The following TMEM87A variants were observed in gnomAD, a reference collection of about 807,000 sequenced individuals.
TMEM87A encodes transmembrane protein 87A, also known as Golgi-pH regulating cation channel.
In TMEM87A, 50 loss-of-function variants were observed where a neutral mutation model predicts 90.0. The ratio of observed to expected loss-of-function variants is 0.56; its 90% CI spans 0.44 to 0.70. TMEM87A has a LOEUF of 0.70. TMEM87A is among the 30% of genes least tolerant of loss of function. The pLI, the probability that TMEM87A is intolerant of heterozygous loss-of-function variation, is 0.00. For missense variants in TMEM87A, 577 were observed against 660.5 expected, an observed-to-expected ratio of 0.87 and a Z score of 1.39; for synonymous variants, 226 against 226.7, an observed-to-expected ratio of 1.00 and a Z score of 0.03.
At chr15:42,272,560 C>T (rs1229540192) in intron 1 of TMEM87A, 2 of 199,502 alleles carry the variant, frequency 1.0e-5, no homozygotes, top group Non-Finnish European at 2.1e-5. Flanking sequence ...CTCCCTGCAT[C>T]TGGTTTTTGT....
chr15:42,266,611 T>C (rs758722007), intron 3 of TMEM87A, among the ~76,000 whole-genome samples: 12 of 152,158 alleles, frequency 7.9e-5, no homozygotes, highest in Admixed American at 2.6e-4. Context: ...TTGCCCCTTA[T>C]CAGGAACTAA....
chr15:42,220,784 A>ATTTT (rs982664626), intron 15 of TMEM87A, among the ~76,000 whole-genome samples: 32 of 151,936 alleles, frequency 2.1e-4, no homozygotes, highest in East Asian at 1.9e-3. Flanking sequence ...TATTTGTTTT[A>ATTTT]TTATTTATTT....
intron 6 of TMEM87A, among the ~76,000 whole-genome samples, chr15:42,252,728 C>A (rs1383418190): frequency 3.3e-5 from 5 of 151,980 alleles, no homozygotes; most frequent in African/African-American, 1.2e-4. Flanking sequence ...TTATTTTTAG[C>A]TCTTTGAGTA....
chr15:42,243,620 A>C (rs1034957713), intron 7 of TMEM87A, among the ~76,000 whole-genome samples: 1 of 151,060 alleles, frequency 6.6e-6, no homozygotes, highest in Non-Finnish European at 1.5e-5. Context: ...CCCGGGTTCA[A>C]GCGATTCTCC....
At chr15:42,233,437 T>A in intron 10 of TMEM87A, 131 bp from the exon 11 acceptor site, 2 of 636,556 alleles carry the variant, frequency 3.1e-6, no homozygotes, top group Admixed American at 3.0e-5. Flanking sequence ...TTGATTCACC[T>A]AAGAGAAAAA....
chr15:42,220,026 T>C (rs1331445072), intron 16 of TMEM87A, 36 bp downstream of exon 16: 3 of 1,509,816 alleles, frequency 2.0e-6, no homozygotes, highest in African/African-American at 2.8e-5. Context: ...AAAAATAATA[T>C]TTAAAGTACT....
At chr15:42,219,940 T>C (rs2050444821) in intron 16 of TMEM87A, 122 bp downstream of exon 16, 4 of 921,922 alleles carry the variant, frequency 4.3e-6, no homozygotes, top group African/African-American at 3.4e-5. Context: ...ACACCCTTAT[T>C]TTCTTAACCC....
intron 6 of TMEM87A, among the ~76,000 whole-genome samples, chr15:42,249,810 T>C (rs1227307620): frequency 6.6e-6 from 1 of 152,216 alleles, no homozygotes; most frequent in Non-Finnish European, 1.5e-5. Context: ...AGAACTGAGT[T>C]CAAGTCCTGG....
chr15:42,226,327 T>G (rs1340234715), intron 15 of TMEM87A, among the ~76,000 whole-genome samples: 3 of 150,492 alleles, frequency 2.0e-5, no homozygotes, highest in Admixed American at 6.6e-5. Flanking sequence ...TTTTTTTTTT[T>G]GGCAATAAAG....
rs2050438353 is a variant in TMEM87A, at chr15:42,219,626, T to A, written c.1494A>T (p.Arg498Ser). Residue 498 changes from arginine to serine, a missense_variant, in exon 17 of 20, where the codon AGA becomes AGT. Arg to Ser is a moderately radical substitution (Grantham distance 110). Coordinates refer to ENST00000389834, the MANE Select transcript of TMEM87A (RefSeq NM_015497.5). The part of the protein sequence containing the change: ...LKESFEGMKM[R>S]STKQEPNGNS... ...TTCCATTGGGTTCTTGTTTGGTACTTCTCATTTTCATTCCTTCTGTAGAAG... is the reference window on the plus strand; with the variant it reads ...TTCCATTGGGTTCTTGTTTGGTACTACTCATTTTCATTCCTTCTGTAGAAG... 2 of 1,599,018 alleles carry A rather than the reference T, an allele frequency of 1.3e-6. No homozygotes were observed. Among genetic ancestry groups the A allele is most frequent in the Non-Finnish European group, 1.7e-6 (2 of 1,171,486 alleles).
chr15:42,257,992 C>G, intron 6 of TMEM87A: 7 of 974,788 alleles, frequency 7.2e-6, no homozygotes, highest in Non-Finnish European at 8.5e-6. Flanking sequence ...AAAAACTTAT[C>G]CCAATATACA....
chr15:42,233,298 A>G lies in TMEM87A; in HGVS notation c.977T>C (p.Leu326Pro). 6.2e-7 allele frequency: 1 copy of G among 1,613,792 alleles called. No individual in the cohort carries two copies. Among genetic ancestry groups the G allele is most frequent in the Non-Finnish European group, 8.5e-7 (1 of 1,179,850 alleles). ...TACAACCTTATGAAGAGTGACTCCA[A>G]GGCGTGGCCTAAAGAGGAAGCAAGG... ...SLGYGIVKPR[L>P]GVTLHKVVVA... The change falls in exon 11 of 20, where the codon CTT becomes CCT. Residue 326 changes from leucine to proline, a missense_variant. Physicochemically the swap from Leu to Pro is moderately conservative, Grantham distance 98. Coordinates refer to ENST00000389834, the MANE Select transcript of TMEM87A (RefSeq NM_015497.5).
chr15:42,211,658 T>C lies in TMEM87A; in HGVS notation c.*50A>G, dbSNP rs1223673455. The C allele has an allele frequency of 1.9e-6, 3 of 1,566,224 alleles. No homozygotes were observed. Among genetic ancestry groups the C allele is most frequent in the African/African-American group, 2.7e-5 (2 of 73,666 alleles). On this transcript the variant is annotated 3_prime_UTR_variant, in exon 20 of 20. Transcript: ENST00000389834. ...CCGTACAGAAGACTGACACAGATGC[T>C]GATCTCTTCCCTGATGGTAGCCATC...
chr15:42,227,549 G>A (rs1461297651), intron 14 of TMEM87A, 162 bp downstream of exon 14: 5 of 601,366 alleles, frequency 8.3e-6, no homozygotes, highest in African/African-American at 7.4e-5. Context: ...CACCATGATA[G>A]TACAGAATAC....
At chr15:42,244,294 T>C in intron 6 of TMEM87A, 127 bp from the exon 7 acceptor site, 1 of 617,330 alleles carries the variant, frequency 1.6e-6, no homozygotes, top group South Asian at 2.3e-5. Context: ...CTTTCATTCA[T>C]TGAAACATTA....
At chr15:42,235,355 T>C (rs1405480002) in intron 10 of TMEM87A, among the ~76,000 whole-genome samples, 1 of 152,172 alleles carries the variant, frequency 6.6e-6, no homozygotes, top group Non-Finnish European at 1.5e-5. Flanking sequence ...CTTTAAATAA[T>C]ATCTTTATCT....
At chr15:42,237,385 C>T in intron 9 of TMEM87A, 47 bp downstream of exon 9, 1 of 1,589,224 alleles carries the variant, frequency 6.3e-7, no homozygotes, top group Non-Finnish European at 8.6e-7. Flanking sequence ...TTTCATACAT[C>T]TCACCTTCCA....
chr15:42,220,679 C>G (rs965488088), intron 15 of TMEM87A, among the ~76,000 whole-genome samples: 1 of 152,208 alleles, frequency 6.6e-6, no homozygotes, highest in Non-Finnish European at 1.5e-5. Flanking sequence ...AAGGTCTGAT[C>G]TGGTATATCT....
At position 42,273,307 on chromosome 15, in the gene TMEM87A, G is replaced by A. The variant is rs202174333; in HGVS notation, c.92C>T (p.Pro31Leu). The A allele has an allele frequency of 3.1e-6, 5 of 1,614,092 alleles. No individual in the cohort carries two copies. In the Admixed American group the frequency reaches 5.0e-5, roughly 16 times the overall value. ...CCGGTCGGCAGCAGCTACGGTTGCC[G>A]GTCCCGCACTGAAAAACGACAGTGG... is the stretch of plus-strand genomic sequence containing the variant. ...PSPLSFFSAGPATVAAADRSK... is the reference protein window; with the variant it reads ...PSPLSFFSAGLATVAAADRSK... Residue 31 changes from proline (P) to leucine (L), a missense_variant, in exon 1 of 20, where the codon CCG becomes CTG. Physicochemically the swap from Pro to Leu is moderately conservative, Grantham distance 98 (BLOSUM62 -3). Transcript: ENST00000389834.
Sources: gnomAD v4.1 joint callset for allele counts (sites outside exome capture counted in the v4.1 genomes callset) on GRCh38, gnomAD v4.1.1 for gene constraint, MANE v1.5 for transcripts, NCBI Gene and HGNC (gene_info 2026-07-23, HGNC 2026-07-21) for gene names.